Variants in CHD6 observed in about 807,000 individuals in gnomAD.
CHD6 encodes the protein chromodomain helicase DNA binding protein 6.
CHD6 carries 50 observed loss-of-function variants against 276.9 expected under a neutral mutation model. That is an observed-to-expected ratio of 0.18 (90% CI 0.14 to 0.23). The LOEUF (loss-of-function observed/expected upper bound fraction) is 0.23, where lower values mean the gene tolerates loss of function less well. Ranked by LOEUF, CHD6 falls within the 10% of genes least tolerant of loss-of-function variation. The probability of loss-of-function intolerance (pLI) is 1.00; values close to 1 mark genes in which losing one functional copy is unlikely to be tolerated. For synonymous variants in CHD6, 1,173 were observed against 1,229.3 expected, an observed-to-expected ratio of 0.95 and a Z score of 0.96; for missense variants, 2,564 against 3,365.8, an observed-to-expected ratio of 0.76 and a Z score of 5.89.
At position 41,550,178 on chromosome 20, in the gene CHD6, C is replaced by T. The variant is rs59067456; in HGVS notation, c.33+1127G>A. ...ATGATTTGAACAGTCCCCTTTTTGACGGATGTGTACGTTCTTTTCCATTTT... is the reference window on the plus strand; with the variant it reads ...ATGATTTGAACAGTCCCCTTTTTGATGGATGTGTACGTTCTTTTCCATTTT... On this transcript the variant is annotated intron_variant, in intron 2 of 36. Coordinates refer to ENST00000373233, the MANE Select transcript of CHD6 (RefSeq NM_032221.5). Among the ~76,000 whole-genome samples, 676 of 152,288 alleles carry T rather than the reference C, an allele frequency of 4.4e-3. 5 individuals are homozygous for T. The highest frequency in any genetic ancestry group is 0.015 in the African/African-American group (640 of 41,558).
intron 1 of CHD6, among the ~76,000 whole-genome samples, chr20:41,613,302 C>A (rs1420786869): frequency 6.6e-6 from 1 of 152,190 alleles, no homozygotes; most frequent in Non-Finnish European, 1.5e-5. Context: ...TTGAATGAAG[C>A]AATAGCAGAA....
intron 17 of CHD6, among the ~76,000 whole-genome samples, chr20:41,465,753 C>T (rs900473115): frequency 1.3e-5 from 2 of 152,082 alleles, no homozygotes; most frequent in South Asian, 2.1e-4. Context: ...ATAATTTTTG[C>T]AACTTTTAAA....
chr20:41,491,453 T>C (rs925345624), intron 11 of CHD6, among the ~76,000 whole-genome samples: 3 of 151,696 alleles, frequency 2.0e-5, no homozygotes, highest in African/African-American at 4.8e-5. Context: ...CCCACCCTTT[T>C]GGTGTGGCTG....
At chr20:41,491,961 G>T in intron 10 of CHD6, 142 bp from the exon 11 acceptor site, 1 of 853,230 alleles carries the variant, frequency 1.2e-6, no homozygotes, top group Non-Finnish European at 1.8e-6. Context: ...TAACGTATAG[G>T]TTGGGGGAAC....
At chr20:41,468,278 T>G (rs2042974729) in intron 17 of CHD6, among the ~76,000 whole-genome samples, 1 of 151,940 alleles carries the variant, frequency 6.6e-6, no homozygotes, top group Non-Finnish European at 1.5e-5. Context: ...CCTGGCTAAT[T>G]TTTGTATTTT....
chr20:41,597,002 A>ACTT lies in CHD6; in HGVS notation c.-24+21337_-24+21338insAAG, dbSNP rs2045724483. The stretch of plus-strand genomic sequence containing the variant: ...AAGTACCCGAGGGTCCAAAACCTGT[A>ACTT]AAGAACTTAAGCCCCCACTCACTAG... On this transcript the variant is annotated intron_variant, in intron 1 of 36. Coordinates refer to ENST00000373233, the MANE Select transcript of CHD6 (RefSeq NM_032221.5). Among the ~76,000 whole-genome samples, 4 of 152,328 alleles carry ACTT rather than the reference A, an allele frequency of 2.6e-5. No homozygotes were observed. In the South Asian group the frequency reaches 8.3e-4, roughly 32 times the overall value.
At chr20:41,609,855 CTTTTTTT>C (rs369159347) in intron 1 of CHD6, among the ~76,000 whole-genome samples, 6,844 of 128,142 alleles carry the variant, frequency 0.053, 486 homozygotes, top group African/African-American at 0.18. Context: ...TTTCTTTTTT[CTTTTTTT>C]TTTTTTTTTT....
intron 6 of CHD6, 69 bp downstream of exon 6, chr20:41,499,226 C>A: frequency 2.4e-6 from 3 of 1,265,500 alleles, no homozygotes; most frequent in Non-Finnish European, 3.3e-6. Context: ...GGTTCTCTAG[C>A]CAAAAATCTC....
At chr20:41,451,798 T>C (rs1405686460) in intron 22 of CHD6, 28 bp downstream of exon 22, 1 of 1,606,604 alleles carries the variant, frequency 6.2e-7, no homozygotes, top group Admixed American at 1.7e-5. Context: ...GAATCGTGCT[T>C]CTTAGGCATG....
intron 1 of CHD6, among the ~76,000 whole-genome samples, chr20:41,609,841 T>TTTTTTTC (rs1208404809): frequency 6.6e-6 from 1 of 150,570 alleles, no homozygotes; most frequent in Non-Finnish European, 1.5e-5. Flanking sequence ...GTGTTTCCTT[T>TTTTTTTC]TTTTTTCTTT....
chr20:41,483,355 T>C lies in CHD6; in HGVS notation c.2422A>G (p.Met808Val). The change falls in exon 16 of 37, where the codon ATG becomes GTG. Residue 808 changes from methionine to valine, a missense_variant. By Grantham distance (21) the Met-to-Val change is conservative. Around this residue, in one of 7 missense-constraint regions of CHD6, gnomAD observed 457 missense variants for 889.0 expected, o/e 0.51. Transcript: ENST00000373233. ...TCTAGGATGTCGAGGCAGCGCACCATCTGGGAGAAGATGAGTACTTTGTGG... is the reference window on the plus strand; with the variant it reads ...TCTAGGATGTCGAGGCAGCGCACCACCTGGGAGAAGATGAGTACTTTGTGG... ...GGHKVLIFSQ[M>V]VRCLDILEDY... 1 of 1,613,804 alleles carries C rather than the reference T, an allele frequency of 6.2e-7. No homozygotes were observed. Among genetic ancestry groups the C allele is most frequent in the Non-Finnish European group, 8.5e-7 (1 of 1,179,814 alleles).
intron 1 of CHD6, among the ~76,000 whole-genome samples, chr20:41,581,658 G>C (rs913269658): frequency 7.0e-6 from 1 of 143,866 alleles, no homozygotes; most frequent in African/African-American, 2.7e-5. Context: ...CCTGACGACA[G>C]AGCGAGACTC....
intron 16 of CHD6, among the ~76,000 whole-genome samples, chr20:41,475,165 A>C (rs201991335): frequency 6.6e-6 from 1 of 152,220 alleles, no homozygotes; most frequent in East Asian, 1.9e-4. Flanking sequence ...CTTAAGTGTC[A>C]GTTCTGTGCC....
chr20:41,479,403 T>A (rs532654985), intron 16 of CHD6, among the ~76,000 whole-genome samples: 1 of 152,184 alleles, frequency 6.6e-6, no homozygotes, highest in African/African-American at 2.4e-5. Context: ...AAGAAAATCT[T>A]AGAAGTAGCC....
rs41278116 is a variant in CHD6 at position 41,421,358 on chromosome 20, A to T, written c.5277T>A (p.Thr1759=). The change falls in exon 31 of 37, where the codon ACT becomes ACA. Residue 1759 remains threonine, a synonymous_variant. Coordinates refer to ENST00000373233, the MANE Select transcript of CHD6 (RefSeq NM_032221.5). ...GPEAEIASGP[T]FMGSLEAGGV... ...CTCCTGCTTCTAAGCTACCCATAAA[A>T]GTAGGGCCAGAAGCTATTTCTGCCT... 8,818 of 1,613,952 alleles carry T rather than the reference A, an allele frequency of 5.5e-3. 419 individuals carry two copies. The African/African-American group carries it at 0.099, about 18-fold the overall frequency.
At chr20:41,607,754 A>C (rs2045844444) in intron 1 of CHD6, among the ~76,000 whole-genome samples, 2 of 136,658 alleles carry the variant, frequency 1.5e-5, no homozygotes, top group African/African-American at 6.0e-5. Flanking sequence ...ACAAAAGTAG[A>C]CCATTCCACA....
chr20:41,444,528 G>A (rs1014552921), intron 25 of CHD6, among the ~76,000 whole-genome samples: 3 of 152,178 alleles, frequency 2.0e-5, no homozygotes, highest in Non-Finnish European at 2.9e-5. Flanking sequence ...CCTGAAGCCT[G>A]CATTCTCAAT....
Position 41,421,606 on chromosome 20 carries a change from C to T in CHD6, c.5029G>A (p.Val1677Met). 6.2e-7 allele frequency: 1 copy of T among 1,613,920 alleles called. No individual in the cohort carries two copies. The highest frequency in any genetic ancestry group is 8.5e-7 in the Non-Finnish European group (1 of 1,179,950). Residue 1677 changes from valine (V) to methionine (M), a missense_variant, in exon 31 of 37, where the codon GTG becomes ATG. Around this residue, in one of 7 missense-constraint regions of CHD6, gnomAD observed 1,024 missense variants for 1,047.9 expected, o/e 0.98. Transcript: ENST00000373233. ...SRDDHLSLPDVTCENFISKVQ... is the reference protein window; with the variant it reads ...SRDDHLSLPDMTCENFISKVQ... Reference sequence around the variant, plus strand: ...TTAGAAATAAAGTTTTCACATGTCACATCAGGCAGGCTGAGATGATCATCT... The same window carrying T: ...TTAGAAATAAAGTTTTCACATGTCATATCAGGCAGGCTGAGATGATCATCT...
chr20:41,511,942 A>G (rs1319511877), intron 5 of CHD6, among the ~76,000 whole-genome samples: 1 of 151,056 alleles, frequency 6.6e-6, no homozygotes, highest in South Asian at 2.1e-4. Flanking sequence ...TCATCCACTT[A>G]ACAGCGATTT....
Sources: allele counts gnomAD v4.1 joint callset (sites outside exome capture counted in the v4.1 genomes callset), GRCh38; gene constraint gnomAD v4.1.1; regional missense constraint gnomAD v4.1.1; transcripts MANE v1.5; gene names NCBI Gene and HGNC (gene_info 2026-07-23, HGNC 2026-07-21).